Variants in BTBD9 observed in about 807,000 individuals in gnomAD.
BTBD9 encodes BTB domain containing 9, also known as BTB/POZ domain-containing protein 9.
BTBD9 carries 49 observed loss-of-function variants against 64.3 expected under a neutral mutation model. The ratio of observed to expected loss-of-function variants is 0.76; its 90% CI spans 0.61 to 0.97. The LOEUF is 0.97. Among genes scored for constraint, BTBD9 ranks in the 50% least tolerant of loss-of-function variants. BTBD9 has a pLI of 0.00. For missense variants in BTBD9, 598 were observed against 762.1 expected, an observed-to-expected ratio of 0.78 and a Z score of 2.53; for synonymous variants, 260 against 274.7, an observed-to-expected ratio of 0.95 and a Z score of 0.53.
chr6:38,202,196 T>C (rs1340255699), intron 9 of BTBD9, among the ~76,000 whole-genome samples: 1 of 149,884 alleles, frequency 6.7e-6, no homozygotes, highest in African/African-American at 2.5e-5. Context: ...GCGATTCTCC[T>C]GCCTCAGCCT....
At chr6:38,611,865 T>C (rs1016170965) in intron 1 of BTBD9, among the ~76,000 whole-genome samples, 3 of 152,324 alleles carry the variant, frequency 2.0e-5, no homozygotes, top group African/African-American at 7.2e-5. Flanking sequence ...CTCATTTTTT[T>C]CCAAATATAT....
At chr6:38,468,597 T>A (rs1161201823) in intron 6 of BTBD9, among the ~76,000 whole-genome samples, 3 of 152,218 alleles carry the variant, frequency 2.0e-5, no homozygotes, top group Non-Finnish European at 4.4e-5. Context: ...TTTATTATTT[T>A]GCATCTATCA....
intron 9 of BTBD9, among the ~76,000 whole-genome samples, chr6:38,239,181 C>A (rs1288891114): frequency 6.6e-6 from 1 of 151,918 alleles, no homozygotes; most frequent in Non-Finnish European, 1.5e-5. Context: ...GCCCATAATC[C>A]CTGTAATCCC....
chr6:38,599,402 CA>C (rs1351241629), intron 1 of BTBD9, among the ~76,000 whole-genome samples: 1 of 152,182 alleles, frequency 6.6e-6, no homozygotes, highest in Non-Finnish European at 1.5e-5. Context: ...CCTCCCACCT[CA>C]GCCTGCCAAG....
At chr6:38,337,413 T>C (rs1437997753) in intron 7 of BTBD9, among the ~76,000 whole-genome samples, 4 of 152,256 alleles carry the variant, frequency 2.6e-5, no homozygotes, top group African/African-American at 7.2e-5. Context: ...TATTTCTATT[T>C]ACTATCTTCA....
intron 1 of BTBD9, among the ~76,000 whole-genome samples, chr6:38,599,406 C>G (rs747235089): frequency 6.6e-6 from 1 of 152,208 alleles, no homozygotes; most frequent in Non-Finnish European, 1.5e-5. Context: ...CCACCTCAGC[C>G]TGCCAAGTAG....
chr6:38,504,376 C>G (rs1290646911), intron 6 of BTBD9: 8 of 333,326 alleles, frequency 2.4e-5, no homozygotes, highest in Non-Finnish European at 4.8e-5. Context: ...AGACTACAAA[C>G]TTCCTCATGT....
At chr6:38,295,145 T>C (rs1762110555) in intron 7 of BTBD9, among the ~76,000 whole-genome samples, 1 of 152,160 alleles carries the variant, frequency 6.6e-6, no homozygotes, top group Non-Finnish European at 1.5e-5. Flanking sequence ...CTTATGCTTT[T>C]CCCTTTTCAA....
chr6:38,197,883 G>A lies in BTBD9; in HGVS notation c.1563-5286C>T, dbSNP rs112282195. Among the ~76,000 whole-genome samples, 617 of 152,322 alleles carry A rather than the reference G, an allele frequency of 4.1e-3. 2 individuals carry two copies. Among genetic ancestry groups the A allele is most frequent in the African/African-American group, 0.014 (590 of 41,576 alleles). ...ATGACTCAGGAAAACGTACAGGTCT[G>A]TAAAATAGTGTGAAATATTCTGGAA... On this transcript the variant is annotated intron_variant, in intron 9 of 10. Transcript: ENST00000481247.
At chr6:38,465,250 G>A (rs1770290081) in intron 6 of BTBD9, among the ~76,000 whole-genome samples, 1 of 151,658 alleles carries the variant, frequency 6.6e-6, no homozygotes, top group African/African-American at 2.4e-5. Context: ...AGCCTTCATT[G>A]CGCTACTGTG....
At chr6:38,358,578 CAG>C (rs1007994856) in intron 6 of BTBD9, among the ~76,000 whole-genome samples, 13 of 152,116 alleles carry the variant, frequency 8.5e-5, no homozygotes, top group African/African-American at 2.7e-4. Flanking sequence ...GATTCTAACT[CAG>C]AGGAGTAGTG....
intron 6 of BTBD9, among the ~76,000 whole-genome samples, chr6:38,468,524 G>C (rs889424443): frequency 6.6e-6 from 1 of 152,132 alleles, no homozygotes; most frequent in African/African-American, 2.4e-5. Flanking sequence ...TGCAAATATG[G>C]GCTTCCTTCC....
At chr6:38,210,627 G>T (rs62397007) in intron 9 of BTBD9, among the ~76,000 whole-genome samples, 3,927 of 151,782 alleles carry the variant, frequency 0.026, 142 homozygotes, top group Admixed American at 0.093. Context: ...GAGACGCCTA[G>T]TCAATCAAAT....
At chr6:38,585,574 T>G (rs1473500485) in intron 4 of BTBD9, among the ~76,000 whole-genome samples, 1 of 152,212 alleles carries the variant, frequency 6.6e-6, no homozygotes, top group Non-Finnish European at 1.5e-5. Context: ...CCTCCCAAAG[T>G]GCTGGCATTA....
At chr6:38,431,215 G>C (rs1768426595) in intron 6 of BTBD9, among the ~76,000 whole-genome samples, 3 of 151,588 alleles carry the variant, frequency 2.0e-5, no homozygotes, top group Admixed American at 2.0e-4. Context: ...CTGAGTTCCA[G>C]ACTCATAAAT....
chr6:38,372,199 C>T (rs1484195613), intron 6 of BTBD9, among the ~76,000 whole-genome samples: 2 of 152,196 alleles, frequency 1.3e-5, no homozygotes, highest in Non-Finnish European at 1.5e-5. Flanking sequence ...CCTCAGCTCA[C>T]TCATAAACCA....
At chr6:38,397,613 G>C (rs1766738653) in intron 6 of BTBD9, among the ~76,000 whole-genome samples, 1 of 152,236 alleles carries the variant, frequency 6.6e-6, no homozygotes, top group Non-Finnish European at 1.5e-5. Context: ...GCAAGCACAG[G>C]AGAGAGAACT....
At chr6:38,547,278 T>C (rs1273461487) in intron 6 of BTBD9, among the ~76,000 whole-genome samples, 4 of 151,920 alleles carry the variant, frequency 2.6e-5, no homozygotes, top group African/African-American at 9.7e-5. Flanking sequence ...AAAATACAAA[T>C]AATTAGCTGG....
In BTBD9 at chr6:38,223,048, G is replaced by C. The variant is rs1037722464; in HGVS notation, c.1563-30451C>G. Among the ~76,000 whole-genome samples the C allele has an allele frequency of 5.3e-5, 8 of 152,234 alleles. No homozygotes were observed. The East Asian group carries it at 1.5e-3, about 29-fold the overall frequency. On this transcript the variant is annotated intron_variant, in intron 9 of 10. Transcript: ENST00000481247. ...CGCCTCTCAAGTAGCTGGGATTACA[G>C]GTTCCTGCCACCACGCCTGGCTAAT...
Sources: gnomAD v4.1 joint callset for allele counts (sites outside exome capture counted in the v4.1 genomes callset) on GRCh38, gnomAD v4.1.1 for gene constraint, MANE v1.5 for transcripts, NCBI Gene and HGNC (gene_info 2026-07-23, HGNC 2026-07-21) for gene names.